Variants in MPPED2 observed in about 807,000 individuals in gnomAD.
MPPED2 encodes the protein metallophosphoesterase domain containing 2, also known as metallophosphoesterase MPPED2.
MPPED2 carries 5 observed loss-of-function variants against 33.0 expected under a neutral mutation model. The observed-to-expected ratio is 0.15, with a 90% CI of 0.08 to 0.32. The LOEUF is 0.32. Among genes scored for constraint, MPPED2 ranks in the 10% least tolerant of loss-of-function variants. The pLI, the probability that MPPED2 is intolerant of heterozygous loss-of-function variation, is 1.00. For missense variants in MPPED2, 275 were observed against 372.1 expected, an observed-to-expected ratio of 0.74 and a Z score of 2.15; for synonymous variants, 136 against 141.9, an observed-to-expected ratio of 0.96 and a Z score of 0.29.
intron 2 of MPPED2, among the ~76,000 whole-genome samples, chr11:30,575,059 T>C (rs770356798): frequency 7.9e-4 from 120 of 152,326 alleles, no homozygotes; most frequent in Admixed American, 2.2e-3. Context: ...ATTTACTTCC[T>C]ACCACATTCT....
intron 2 of MPPED2, among the ~76,000 whole-genome samples, chr11:30,565,124 T>C (rs556431132): frequency 3.3e-5 from 5 of 152,196 alleles, no homozygotes; most frequent in African/African-American, 1.2e-4. Context: ...GTCTCCCCTG[T>C]GCAGTCTTGA....
chr11:30,507,473 G>T (rs75762138), intron 3 of MPPED2, among the ~76,000 whole-genome samples: 2,975 of 152,252 alleles, frequency 0.02, 107 homozygotes, highest in African/African-American at 0.068. Context: ...GCTGCATAGA[G>T]CAAAATTTAG....
At chr11:30,536,397 GGAAAA>G (rs1222588068) in intron 2 of MPPED2, among the ~76,000 whole-genome samples, 8 of 152,026 alleles carry the variant, frequency 5.3e-5, no homozygotes, top group Non-Finnish European at 8.8e-5. Context: ...TTACCTGGTA[GGAAAA>G]TTAAAAGGAA....
intron 4 of MPPED2, among the ~76,000 whole-genome samples, chr11:30,471,467 T>C (rs181124337): frequency 1.3e-5 from 2 of 152,346 alleles, no homozygotes; most frequent in Admixed American, 6.5e-5. Context: ...CTTCTACTCA[T>C]TGGGCATGCT....
At chr11:30,450,089 T>C (rs1011001421) in intron 4 of MPPED2, among the ~76,000 whole-genome samples, 2 of 152,248 alleles carry the variant, frequency 1.3e-5, no homozygotes, top group African/African-American at 4.8e-5. Context: ...ACCTTTCTAG[T>C]GTCTTTTGAA....
intron 4 of MPPED2, among the ~76,000 whole-genome samples, chr11:30,472,777 G>C (rs1010492452): frequency 6.6e-6 from 1 of 152,206 alleles, no homozygotes; most frequent in African/African-American, 2.4e-5. Flanking sequence ...ATGGGAGCTA[G>C]AGAACTGAGT....
At position 30,410,428 on chromosome 11, in the gene MPPED2, T is replaced by C. The variant is rs1948062316; in HGVS notation, c.*1040A>G. The C allele has an allele frequency of 2.0e-6, 2 of 981,512 alleles. No individual in the cohort carries two copies. Among genetic ancestry groups the C allele is most frequent in the Admixed American group, 6.4e-5 (1 of 15,716 alleles). The allele number at this position is 981,512 out of a possible 1,614,324, so 60.8% of individuals were successfully genotyped here. ...TAGCGAAGATTGCATCGACACACAG[T>C]GCAAAATGGGAGAGGGGAGAGGAAG... On this transcript the variant is annotated 3_prime_UTR_variant, in exon 7 of 7. Transcript: ENST00000358117.
intron 4 of MPPED2, among the ~76,000 whole-genome samples, chr11:30,475,154 A>T (rs1459747072): frequency 6.6e-6 from 1 of 152,204 alleles, no homozygotes; most frequent in African/African-American, 2.4e-5. Context: ...TACAGAAGTG[A>T]CTGATATAAA....
intron 4 of MPPED2, among the ~76,000 whole-genome samples, chr11:30,438,860 G>A (rs766304614): frequency 1.3e-5 from 2 of 152,204 alleles, no homozygotes; most frequent in Non-Finnish European, 2.9e-5. Context: ...TTCTTTGGCT[G>A]TTATCATGAA....
chr11:30,526,659 G>A (rs1167763232), intron 3 of MPPED2, among the ~76,000 whole-genome samples: 4 of 150,948 alleles, frequency 2.6e-5, no homozygotes, highest in South Asian at 4.2e-4. Flanking sequence ...AGTCGAAATC[G>A]TGCCACTGCA....
chr11:30,479,114 G>A (rs965192205), intron 4 of MPPED2, among the ~76,000 whole-genome samples: 1 of 151,976 alleles, frequency 6.6e-6, no homozygotes, highest in Non-Finnish European at 1.5e-5. Context: ...TCCTAAACTA[G>A]GCTGAATGGA....
intron 3 of MPPED2, among the ~76,000 whole-genome samples, chr11:30,520,712 T>C (rs1354223818): frequency 6.6e-6 from 1 of 152,222 alleles, no homozygotes; most frequent in African/African-American, 2.4e-5. Flanking sequence ...AAAATAATTA[T>C]CAATTTCCTT....
At chr11:30,398,150 T>C (rs563045186) in intron 6 of MPPED2, among the ~76,000 whole-genome samples, 419 of 152,288 alleles carry the variant, frequency 2.8e-3, no homozygotes, top group Admixed American at 6.3e-3. Flanking sequence ...TCTTCTTCCA[T>C]AGCAGAGTTA....
At chr11:30,415,412 G>GA (rs35277365) in intron 5 of MPPED2, among the ~76,000 whole-genome samples, 2 of 152,152 alleles carry the variant, frequency 1.3e-5, no homozygotes, top group African/African-American at 2.4e-5. Flanking sequence ...CCTGAAGGGG[G>GA]AAAATATTCC....
At chr11:30,453,309 A>T (rs1374938092) in intron 4 of MPPED2, among the ~76,000 whole-genome samples, 1 of 152,188 alleles carries the variant, frequency 6.6e-6, no homozygotes, top group Non-Finnish European at 1.5e-5. Flanking sequence ...GAAACTGCAG[A>T]TGTGGATGGG....
At chr11:30,585,717 G>C (rs989373087) in intron 1 of MPPED2, among the ~76,000 whole-genome samples, 1 of 152,154 alleles carries the variant, frequency 6.6e-6, no homozygotes, top group African/African-American at 2.4e-5. Flanking sequence ...GCTGGAGGGG[G>C]TGGAGAAGAG....
chr11:30,400,173 C>T (rs1245623523), intron 6 of MPPED2, among the ~76,000 whole-genome samples: 1 of 152,158 alleles, frequency 6.6e-6, no homozygotes, highest in Admixed American at 6.5e-5. Flanking sequence ...CAAGCTCCTG[C>T]ATCAGCCTCC....
intron 3 of MPPED2, among the ~76,000 whole-genome samples, chr11:30,528,237 A>T (rs1046583775): frequency 6.6e-6 from 1 of 151,806 alleles, no homozygotes; most frequent in Admixed American, 6.6e-5. Flanking sequence ...GGCAATTTTA[A>T]TTTTTTTCTG....
At chr11:30,575,181 G>A (rs1306832839) in intron 2 of MPPED2, among the ~76,000 whole-genome samples, 5 of 151,742 alleles carry the variant, frequency 3.3e-5, no homozygotes, top group African/African-American at 4.8e-5. Context: ...TTTAACTAGC[G>A]ATGGCCAAGC....
Sources: gnomAD v4.1 joint callset for allele counts (sites outside exome capture counted in the v4.1 genomes callset) on GRCh38, gnomAD v4.1.1 for gene constraint, MANE v1.5 for transcripts, NCBI Gene and HGNC (gene_info 2026-07-23, HGNC 2026-07-21) for gene names.